Variants in ANO5 observed in about 807,000 individuals in gnomAD.
ANO5 encodes the protein anoctamin-5.
In ANO5, 109 loss-of-function variants were observed where a neutral mutation model predicts 121.0. That is an observed-to-expected ratio of 0.90 (90% CI 0.77 to 1.06). The LOEUF (loss-of-function observed/expected upper bound fraction) is 1.06. Ranked by LOEUF, ANO5 falls within the 50% of genes least tolerant of loss-of-function variation. ANO5 has a pLI of 0.00. For synonymous variants in ANO5, 406 were observed against 359.9 expected (o/e 1.13, Z -1.45); for missense variants, 1,064 against 1,078.5 (o/e 0.99, Z 0.19).
intron 20 of ANO5, among the ~76,000 whole-genome samples, chr11:22,275,781 TAAGGAAGTGGGAAAA>T (rs1424300398): frequency 6.6e-6 from 1 of 151,760 alleles, no homozygotes; most frequent in Non-Finnish European, 1.5e-5. Flanking sequence ...CTGGGAGTGT[TAAGGAAGTGGGAAAA>T]GAGGAAGTGG....
At chr11:22,205,872 C>T (rs6416032) in intron 2 of ANO5, among the ~76,000 whole-genome samples, 114,280 of 151,996 alleles carry the variant, frequency 0.75, 43,355 homozygotes, top group Non-Finnish European at 0.81. Flanking sequence ...TAAGATGAAA[C>T]GGACCAATTC....
chr11:22,205,686 T>C (rs558002385), intron 2 of ANO5, among the ~76,000 whole-genome samples: 9 of 151,818 alleles, frequency 5.9e-5, no homozygotes, highest in Non-Finnish European at 1.0e-4. Flanking sequence ...CCAAAAGCTG[T>C]GGAAAGATAC....
chr11:22,273,089 A>G (rs1854687921), intron 19 of ANO5, 100 bp downstream of exon 19: 3 of 1,262,292 alleles, frequency 2.4e-6, no homozygotes, highest in Non-Finnish European at 3.5e-6. Context: ...CATTATGGTG[A>G]TACTTTATAA....
intron 8 of ANO5, among the ~76,000 whole-genome samples, chr11:22,238,724 T>G (rs1853321096): frequency 1.3e-5 from 2 of 152,222 alleles, no homozygotes; most frequent in South Asian, 2.1e-4. Flanking sequence ...AAATTTTATT[T>G]TATTTATTTT....
chr11:22,197,179 T>C (rs1851838924), intron 1 of ANO5, among the ~76,000 whole-genome samples: 1 of 152,172 alleles, frequency 6.6e-6, no homozygotes, highest in East Asian at 1.9e-4. Flanking sequence ...TTATTACATC[T>C]TCTCTACTTT....
chr11:22,213,624 T>G (rs1249829837), intron 3 of ANO5, among the ~76,000 whole-genome samples: 2 of 133,732 alleles, frequency 1.5e-5, no homozygotes, highest in Non-Finnish European at 3.0e-5. Context: ...AAAGTTACTC[T>G]TTTTTTTTTC....
intron 9 of ANO5, among the ~76,000 whole-genome samples, chr11:22,247,716 T>C (rs1853671668): frequency 6.6e-6 from 1 of 152,150 alleles, no homozygotes; most frequent in Non-Finnish European, 1.5e-5. Flanking sequence ...AAGTGGTTTT[T>C]CTGCCTTTTG....
chr11:22,197,120 AAG>A (rs990534023), intron 1 of ANO5, among the ~76,000 whole-genome samples: 2 of 152,204 alleles, frequency 1.3e-5, no homozygotes, highest in African/African-American at 4.8e-5. Flanking sequence ...AATTGATTGT[AAG>A]AGAGACAACA....
At position 22,250,725 on chromosome 11, in the gene ANO5, G is replaced by T; in HGVS notation, c.1014-16G>T. ...ACACCTATCACTGTTCAATAACTTT[G>T]CTGTTCCTCTTGCAGCACTGAAATC... On this transcript the variant is annotated splice_polypyrimidine_tract_variant and intron_variant, in intron 10 of 21. Coordinates refer to ENST00000324559, the MANE Select transcript of ANO5 (RefSeq NM_213599.3). 6.2e-7 allele frequency: 1 copy of T among 1,610,358 alleles called. No individual in the cohort carries two copies. Among genetic ancestry groups the T allele is most frequent in the Non-Finnish European group, 8.5e-7 (1 of 1,176,670 alleles).
intron 17 of ANO5, among the ~76,000 whole-genome samples, chr11:22,264,157 G>A (rs1267603672): frequency 4.0e-5 from 6 of 151,350 alleles, no homozygotes; most frequent in Non-Finnish European, 5.9e-5. Flanking sequence ...CTGAGCAGCT[G>A]GGATTACAGG....
Position 22,252,029 on chromosome 11 carries a change from C to CA in ANO5, c.1180+1048dup, listed in dbSNP as rs10525160. On this transcript the variant is annotated intron_variant, in intron 12 of 21. Coordinates refer to ENST00000324559, the MANE Select transcript of ANO5 (RefSeq NM_213599.3). ...TGAGAGACAGAGCAAGACGCCGTCTCAAAAAAAAAAAAAAAAAAAAAAAAA... is the reference window on the plus strand; with the variant it reads ...TGAGAGACAGAGCAAGACGCCGTCTCAAAAAAAAAAAAAAAAAAAAAAAAAA... Among the ~76,000 whole-genome samples the CA allele has an allele frequency of 5.1e-3, 236 of 45,854 alleles. 23 individuals are homozygous for CA. The highest frequency in any genetic ancestry group is 0.017 in the East Asian group (18 of 1,040). The allele number at this position is 45,854 out of a possible 152,430, so 30.1% of individuals were successfully genotyped here.
chr11:22,239,171 G>A (rs1853337397), intron 8 of ANO5, among the ~76,000 whole-genome samples: 1 of 152,004 alleles, frequency 6.6e-6, no homozygotes, highest in South Asian at 2.1e-4. Context: ...CTTTGGATTA[G>A]TTGCTTAATG....
intron 9 of ANO5, among the ~76,000 whole-genome samples, chr11:22,243,571 T>C (rs868275045): frequency 1.3e-5 from 2 of 151,992 alleles, no homozygotes; most frequent in African/African-American, 2.4e-5. Flanking sequence ...GATTGGTAGA[T>C]TTTTAAATTA....
intron 17 of ANO5, among the ~76,000 whole-genome samples, chr11:22,270,103 C>A (rs1017629936): frequency 6.6e-6 from 1 of 152,114 alleles, no homozygotes; most frequent in Non-Finnish European, 1.5e-5. Flanking sequence ...TTCTCAATCA[C>A]CCTAATAAAG....
chr11:22,257,343 A>T (rs1330764230), intron 13 of ANO5, among the ~76,000 whole-genome samples: 1 of 152,196 alleles, frequency 6.6e-6, no homozygotes, highest in Non-Finnish European at 1.5e-5. Context: ...TAACACCATT[A>T]AACATCATAA....
rs143078257 is a variant in ANO5, at chr11:22,227,522, G to C, written c.584G>C (p.Arg195Pro). The change falls in exon 7 of 22, where the codon CGG becomes CCG. Residue 195 changes from arginine to proline, a missense_variant. Transcript: ENST00000324559. ...TTTACTGCACAATTCAGCAGACATC[G>C]GCAGGAGCTCTTCCTCATCGAAGAT... ...EYFTAQFSRH[R>P]QELFLIEDQA... is the part of the protein sequence containing the mutation. 1 of 1,613,446 alleles carries C rather than the reference G, an allele frequency of 6.2e-7. No homozygotes were observed. Among genetic ancestry groups the C allele is most frequent in the African/African-American group, 1.3e-5 (1 of 74,916 alleles).
At chr11:22,194,215 CTATTTTAA>C (rs1199901944) in intron 1 of ANO5, among the ~76,000 whole-genome samples, 1 of 152,190 alleles carries the variant, frequency 6.6e-6, no homozygotes, top group Admixed American at 6.5e-5. Context: ...TTCCGTGGAC[CTATTTTAA>C]TACATGTATT....
intron 2 of ANO5, 111 bp downstream of exon 2, chr11:22,203,961 C>G: frequency 1.5e-6 from 1 of 651,598 alleles, no homozygotes; most frequent in African/African-American, 1.8e-5. Context: ...ATTATGCCCT[C>G]TAATTTATTC....
At chr11:22,276,611 G>A (rs1336055554) in intron 21 of ANO5, among the ~76,000 whole-genome samples, 2 of 151,672 alleles carry the variant, frequency 1.3e-5, no homozygotes, top group Middle Eastern at 3.2e-3. Flanking sequence ...CTGGCTTAAC[G>A]TTAACTAACT....
Sources: gnomAD v4.1 joint callset for allele counts (sites outside exome capture counted in the v4.1 genomes callset) on GRCh38, gnomAD v4.1.1 for gene constraint, MANE v1.5 for transcripts, NCBI Gene and HGNC (gene_info 2026-07-23, HGNC 2026-07-21) for gene names.